PALLD: variants seen among roughly 807,000 people sequenced by gnomAD.
PALLD encodes palladin, cytoskeletal associated protein.
In PALLD, 61 loss-of-function variants were observed where a neutral mutation model predicts 123.5. The ratio of observed to expected loss-of-function variants is 0.49; its 90% CI spans 0.40 to 0.61. The LOEUF is 0.61. Ranked by LOEUF, PALLD falls within the 20% of genes least tolerant of loss-of-function variation. The pLI is 0.00. For missense variants in PALLD, 1,273 were observed against 1,377.0 expected, an observed-to-expected ratio of 0.92 and a Z score of 1.20; for synonymous variants, 465 against 496.4, an observed-to-expected ratio of 0.94 and a Z score of 0.84.
At chr4:168,855,641 C>T (rs993027781) in intron 10 of PALLD, among the ~76,000 whole-genome samples, 2 of 152,314 alleles carry the variant, frequency 1.3e-5, no homozygotes, top group African/African-American at 2.4e-5. Context: ...TTCCCCAGGA[C>T]AGTCAATCTG....
At chr4:168,756,826 T>A (rs1348821829) in intron 10 of PALLD, among the ~76,000 whole-genome samples, 1 of 152,210 alleles carries the variant, frequency 6.6e-6, no homozygotes, top group African/African-American at 2.4e-5. Flanking sequence ...GCCATGAGAC[T>A]ATTTGCTGTC....
intron 10 of PALLD, among the ~76,000 whole-genome samples, chr4:168,753,265 T>C (rs1331787773): frequency 6.6e-6 from 1 of 152,124 alleles, no homozygotes; most frequent in East Asian, 1.9e-4. Context: ...TTTAGTTCTT[T>C]TAACATTTGA....
chr4:168,639,876 G>C (rs896392204), intron 2 of PALLD, among the ~76,000 whole-genome samples: 5 of 152,110 alleles, frequency 3.3e-5, no homozygotes, highest in African/African-American at 1.2e-4. Flanking sequence ...GCCAGGAAGA[G>C]TTAAGTCTCC....
In PALLD at chr4:168,794,115, C is replaced by T. The variant is rs114156954; in HGVS notation, c.1964+82192C>T. ...ACCCCTTTTCCAGGGGTTCTCCAGG[C>T]CCGCTCCTCCAGCTGCCCTCTCAGT... On this transcript the variant is annotated intron_variant, in intron 10 of 21. Coordinates refer to ENST00000505667, the MANE Select transcript of PALLD (RefSeq NM_001166108.2). Among the ~76,000 whole-genome samples, 963 of 152,256 alleles carry T rather than the reference C, an allele frequency of 6.3e-3. 6 individuals carry two copies. Among genetic ancestry groups the T allele is most frequent in the Middle Eastern group, 0.034 (10 of 294 alleles).
At chr4:168,710,952 A>G (rs1396167184) in intron 9 of PALLD, among the ~76,000 whole-genome samples, 1 of 150,286 alleles carries the variant, frequency 6.7e-6, no homozygotes, top group Admixed American at 6.6e-5. Context: ...AGTGCATGCC[A>G]GGAGCTCTGC....
intron 10 of PALLD, among the ~76,000 whole-genome samples, chr4:168,743,269 A>G (rs1040369776): frequency 1.3e-5 from 2 of 152,180 alleles, no homozygotes; most frequent in African/African-American, 2.4e-5. Flanking sequence ...ACACTGAGTG[A>G]CATCCATCTG....
At chr4:168,647,099 T>G (rs1215221853) in intron 2 of PALLD, among the ~76,000 whole-genome samples, 1 of 152,224 alleles carries the variant, frequency 6.6e-6, no homozygotes, top group African/African-American at 2.4e-5. Context: ...AATAGTTATC[T>G]TTCCTTCTTC....
At chr4:168,658,196 A>G (rs1778770141) in intron 2 of PALLD, among the ~76,000 whole-genome samples, 1 of 152,130 alleles carries the variant, frequency 6.6e-6, no homozygotes, top group Admixed American at 6.5e-5. Flanking sequence ...CTAAGATTTT[A>G]ATAGCTTCTG....
rs374707940 is a variant in PALLD at position 168,863,571 on chromosome 4, G to C, written c.1965-27351G>C. On this transcript the variant is annotated intron_variant, in intron 10 of 21. Coordinates refer to ENST00000505667, the MANE Select transcript of PALLD (RefSeq NM_001166108.2). Reference sequence around the variant, plus strand: ...GCAGGGCCCACTCTGTCAGTGTCTAGTGTTCCACTGATCCTACATAGTAAT... The same window carrying C: ...GCAGGGCCCACTCTGTCAGTGTCTACTGTTCCACTGATCCTACATAGTAAT... Among the ~76,000 whole-genome samples the C allele has an allele frequency of 2.7e-4, 41 of 152,228 alleles. No homozygotes were observed. The South Asian group carries it at 8.5e-3, about 32-fold the overall frequency.
At position 168,512,280 on chromosome 4, in the gene PALLD, C is replaced by T. The variant is rs1391962732; in HGVS notation, c.776C>T (p.Pro259Leu). 6.2e-7 allele frequency: 1 copy of T among 1,614,058 alleles called. No individual in the cohort carries two copies. The highest frequency in any genetic ancestry group is 1.3e-5 in the African/African-American group (1 of 74,924). Reference sequence around the variant, plus strand: ...GTGCCACACAACCGCAAGTCTCACCCACAGCCCCACAGCGCCCTCCACTTC... The same window carrying T: ...GTGCCACACAACCGCAAGTCTCACCTACAGCCCCACAGCGCCCTCCACTTC... ...LAVPHNRKSH[P>L]QPHSALHFPA... Residue 259 changes from proline to leucine, a missense_variant, in exon 2 of 22, where the codon CCA becomes CTA. By Grantham distance (98) the Pro-to-Leu change is moderately conservative. Coordinates refer to ENST00000505667, the MANE Select transcript of PALLD (RefSeq NM_001166108.2).
chr4:168,671,748 T>A (rs1006575298), intron 3 of PALLD, among the ~76,000 whole-genome samples: 1 of 152,134 alleles, frequency 6.6e-6, no homozygotes, highest in African/African-American at 2.4e-5. Flanking sequence ...AATTTTTATA[T>A]TTTACTTATT....
In PALLD at chr4:168,878,366, C is replaced by G; in HGVS notation, c.1965-12556C>G. The G allele has an allele frequency of 5.3e-6, 8 of 1,515,838 alleles. No individual in the cohort carries two copies. The highest frequency in any genetic ancestry group is 2.5e-5 in the East Asian group (1 of 39,310). 93.9% of individuals were successfully genotyped at this position (1,515,838 alleles called of 1,614,324 possible). On this transcript the variant is annotated intron_variant, in intron 10 of 21. Transcript: ENST00000505667. The stretch of plus-strand genomic sequence containing the variant: ...GCCGCCGCCGGCGGCCGTCAACGCC[C>G]TGGGGCTGCCCAAGGGTGTCACCCC...
chr4:168,771,071 A>AC lies in PALLD; in HGVS notation c.1964+59148_1964+59149insC, dbSNP rs1554080048. 1.5e-3 allele frequency among the ~76,000 whole-genome samples: 149 copies of AC among 100,950 alleles called. 3 individuals carry two copies. The Middle Eastern group carries it at 0.022, about 15-fold the overall frequency. 66.2% of individuals were successfully genotyped at this position (100,950 alleles called of 152,430 possible). A position where few individuals can be genotyped will look rare whatever the true frequency, so the allele number is the denominator to read the frequency against. On this transcript the variant is annotated intron_variant, in intron 10 of 21. Coordinates refer to ENST00000505667, the MANE Select transcript of PALLD (RefSeq NM_001166108.2). ...GAGCAAGACTCCATCTCAAAAAAAAAAAAACAAAAAAAAAACCTTAGTTTC... is the reference window on the plus strand; with the variant it reads ...GAGCAAGACTCCATCTCAAAAAAAAACAAAACAAAAAAAAAACCTTAGTTTC...
chr4:168,686,018 C>T (rs1782009316), intron 6 of PALLD, among the ~76,000 whole-genome samples: 1 of 151,926 alleles, frequency 6.6e-6, no homozygotes, highest in South Asian at 2.1e-4. Flanking sequence ...TTTCTTTTTC[C>T]TTTTTCCTTC....
intron 2 of PALLD, among the ~76,000 whole-genome samples, chr4:168,541,805 G>A (rs1765644440): frequency 6.6e-6 from 1 of 152,096 alleles, no homozygotes; most frequent in South Asian, 2.1e-4. Flanking sequence ...TAAGCCATTT[G>A]ATTGCCCAAT....
chr4:168,816,389 G>GTGTATATA (rs759861616), intron 10 of PALLD, among the ~76,000 whole-genome samples: 11 of 139,026 alleles, frequency 7.9e-5, no homozygotes, highest in Non-Finnish European at 1.4e-4. Flanking sequence ...GTGTATGTGT[G>GTGTATATA]TATATATATA....
intron 2 of PALLD, among the ~76,000 whole-genome samples, chr4:168,597,009 G>T (rs192754921): frequency 1.3e-4 from 20 of 151,834 alleles, no homozygotes; most frequent in Non-Finnish European, 2.5e-4. Context: ...AAAAAATTAC[G>T]CCATAAGCAA....
intron 2 of PALLD, among the ~76,000 whole-genome samples, chr4:168,662,438 C>T (rs1779214767): frequency 6.6e-6 from 1 of 152,244 alleles, no homozygotes; most frequent in Admixed American, 6.5e-5. Flanking sequence ...ACTTTAGTTG[C>T]TTTGTAGCCT....
intron 10 of PALLD, among the ~76,000 whole-genome samples, chr4:168,877,549 G>A (rs943382196): frequency 2.0e-5 from 3 of 152,162 alleles, no homozygotes; most frequent in African/African-American, 7.2e-5. Context: ...TTAGCGCTTG[G>A]TCCAGAATGA....
Sources: gnomAD v4.1 joint callset for allele counts (sites outside exome capture counted in the v4.1 genomes callset) on GRCh38, gnomAD v4.1.1 for gene constraint, MANE v1.5 for transcripts, NCBI Gene and HGNC (gene_info 2026-07-23, HGNC 2026-07-21) for gene names.